TLR5: variants seen among roughly 807,000 people sequenced by gnomAD.
TLR5 encodes the protein toll-like receptor 5.
For missense variants in TLR5, 944 were observed against 999.8 expected, an observed-to-expected ratio of 0.94 and a Z score of 0.75; for synonymous variants, 373 against 384.4, an observed-to-expected ratio of 0.97 and a Z score of 0.35.
At chr1:223,119,670 A>G (rs1656848702) in intron 5 of TLR5, among the ~76,000 whole-genome samples, 1 of 151,966 alleles carries the variant, frequency 6.6e-6, no homozygotes, top group Non-Finnish European at 1.5e-5. Context: ...TAAGATACCA[A>G]CACAACAGGC....
Position 223,131,069 on chromosome 1 carries a change from A to G in TLR5, c.-5+1406T>C, listed in dbSNP as rs942929922. On this transcript the variant is annotated intron_variant, in intron 5 of 5. Coordinates refer to ENST00000642603, the MANE Select transcript of TLR5 (RefSeq NM_003268.6). The surrounding 1 kb of genome is among the most constrained non-coding windows in gnomAD (Gnocchi z 4.2). ...CTCCCCTCTAGATATGGGAGACACC[A>G]CCTTGCTAGTCTCCCATAGTAAGCC... is the stretch of plus-strand genomic sequence containing the variant. 8.5e-5 allele frequency among the ~76,000 whole-genome samples: 13 copies of G among 152,116 alleles called. No individual in the cohort carries two copies. In the East Asian group the frequency reaches 2.5e-3, roughly 29 times the overall value.
intron 5 of TLR5, 45 bp downstream of exon 5, chr1:223,132,430 A>G (rs1191547999): frequency 6.6e-6 from 1 of 152,268 alleles, no homozygotes; most frequent in Non-Finnish European, 1.5e-5. Flanking sequence ...TCATACACAC[A>G]CAGACACAGA....
intron 4 of TLR5, among the ~76,000 whole-genome samples, chr1:223,133,617 C>G (rs918234806): frequency 1.3e-5 from 2 of 152,312 alleles, no homozygotes; most frequent in Middle Eastern, 3.4e-3. Context: ...AGATGCTGCA[C>G]GATTGGTTTT....
rs754624768 is a variant in TLR5 at position 223,110,959 on chromosome 1, G to A, written c.2073C>T (p.Tyr691=). ...DHPQGTEPDM[Y]KYDAYLCFSS... ...TGAAGCACAAATAGGCATCATATTT[G>A]TACATATCAGGTTCTGTGCCCTGGG... Residue 691 remains tyrosine, a synonymous_variant, in exon 6 of 6, where the codon TAC becomes TAT. Transcript: ENST00000642603. 6.2e-6 allele frequency: 10 copies of A among 1,614,128 alleles called. No individual in the cohort carries two copies. The highest frequency in any genetic ancestry group is 7.6e-6 in the Non-Finnish European group (9 of 1,180,058).
At position 223,142,718 on chromosome 1, in the gene TLR5, T is replaced by C. The variant is rs551381621; in HGVS notation, c.-555+478A>G. 1.5e-3 allele frequency among the ~76,000 whole-genome samples: 234 copies of C among 152,282 alleles called. 1 individual carries two copies. Among genetic ancestry groups the C allele is most frequent in the African/African-American group, 5.3e-3 (222 of 41,570 alleles). ...GCTGTGGGGTGGGGTGTTTAGGGCC[T>C]TTTGTTGAGCAGCTCAGTGACTTTC... is the stretch of plus-strand genomic sequence containing the variant. On this transcript the variant is annotated intron_variant, in intron 1 of 5. Coordinates refer to ENST00000642603, the MANE Select transcript of TLR5 (RefSeq NM_003268.6).
intron 5 of TLR5, among the ~76,000 whole-genome samples, chr1:223,117,594 GAAA>G (rs1444648361): frequency 7.2e-6 from 1 of 139,494 alleles, no homozygotes; most frequent in Non-Finnish European, 1.6e-5. Context: ...GAAAAGAAAA[GAAA>G]AAAAGGAAAG....
rs756137200 is a variant in TLR5 at position 223,112,800 on chromosome 1, C to G, written c.232G>C (p.Gly78Arg). 1 of 1,612,366 alleles carries G rather than the reference C, an allele frequency of 6.2e-7. No individual in the cohort carries two copies. The highest frequency in any genetic ancestry group is 8.5e-7 in the Non-Finnish European group (1 of 1,178,972). The change falls in exon 6 of 6, where the codon GGG becomes CGG. Residue 78 changes from glycine to arginine, a missense_variant. Coordinates refer to ENST00000642603, the MANE Select transcript of TLR5 (RefSeq NM_003268.6). ...ATAGTCAAGGGGGTATACTGGCTCC[C>G]GAGCTCCAGCAGCTGCAGCTGTTCC... Reference protein sequence around the residue: ...FLEQLQLLELGSQYTPLTIDK... With the variant: ...FLEQLQLLELRSQYTPLTIDK...
At position 223,111,008 on chromosome 1, in the gene TLR5, T is replaced by C; in HGVS notation, c.2024A>G (p.Gln675Arg). 6.2e-7 allele frequency: 1 copy of C among 1,614,228 alleles called. No individual in the cohort carries two copies. Among genetic ancestry groups the C allele is most frequent in the South Asian group, 1.1e-5 (1 of 91,082 alleles). ...GFCFICYKTAQRLVFKDHPQG... is the reference protein window; with the variant it reads ...GFCFICYKTARRLVFKDHPQG... ...GGGATGGTCCTTGAACACCAGTCTCTGGGCTGTCTTATAACAGATAAAACA... is the reference window on the plus strand; with the variant it reads ...GGGATGGTCCTTGAACACCAGTCTCCGGGCTGTCTTATAACAGATAAAACA... The change falls in exon 6 of 6, where the codon CAG (glutamine) becomes CGG (arginine). Residue 675 changes from glutamine (Q) to arginine (R), a missense_variant. By Grantham distance (43) the Gln-to-Arg change is conservative (BLOSUM62 1). Transcript: ENST00000642603.
intron 5 of TLR5, chr1:223,127,937 A>G (rs72748482): frequency 0.021 from 3,207 of 152,564 alleles, 37 homozygotes; most frequent in Non-Finnish European, 0.03. Flanking sequence ...AGCAATGCAA[A>G]TTACTGGGCC....
At chr1:223,116,528 G>C (rs928548902) in intron 5 of TLR5, among the ~76,000 whole-genome samples, 1 of 152,174 alleles carries the variant, frequency 6.6e-6, no homozygotes, top group African/African-American at 2.4e-5. Context: ...GACCCAAAGA[G>C]CGAGCGGCAG....
intron 2 of TLR5, chr1:223,141,367 A>G (rs1229005706): frequency 6.6e-6 from 1 of 152,124 alleles, no homozygotes; most frequent in Non-Finnish European, 1.5e-5. Flanking sequence ...CTTTGCTCAG[A>G]GCTGTAAATA....
intron 5 of TLR5, among the ~76,000 whole-genome samples, chr1:223,116,058 T>C (rs1293031181): frequency 6.6e-6 from 1 of 152,234 alleles, no homozygotes; most frequent in Non-Finnish European, 1.5e-5. Context: ...GCACACACTA[T>C]TTGAAATAAA....
In TLR5 at chr1:223,111,093, T is replaced by A. The variant is rs369950876; in HGVS notation, c.1939A>T (p.Thr647Ser). The change falls in exon 6 of 6, where the codon ACT becomes TCT. Residue 647 changes from threonine to serine, a missense_variant. Thr to Ser is a moderately conservative substitution (Grantham distance 58). Coordinates refer to ENST00000642603, the MANE Select transcript of TLR5 (RefSeq NM_003268.6). ...SLKFSLFIVC[T>S]VTLTLFLMTI... ...ATGAGGAACAGAGTCAGAGTGACAG[T>A]GCATACAATGAAAAGGGAGAACTTT... 8.1e-6 allele frequency: 13 copies of A among 1,614,184 alleles called. No homozygotes were observed. Among genetic ancestry groups the A allele is most frequent in the African/African-American group, 1.3e-5 (1 of 75,054 alleles).
intron 1 of TLR5, among the ~76,000 whole-genome samples, chr1:223,142,336 G>A (rs2102953731): frequency 6.6e-6 from 1 of 152,292 alleles, no homozygotes; most frequent in African/African-American, 2.4e-5. Flanking sequence ...GTATCTGAAG[G>A]ACACTAGGGT....
chr1:223,119,842 T>G (rs1408934482), intron 5 of TLR5, among the ~76,000 whole-genome samples: 2 of 150,178 alleles, frequency 1.3e-5, no homozygotes, highest in Non-Finnish European at 3.0e-5. Flanking sequence ...CATCTGTACT[T>G]GGGAGGTTGA....
chr1:223,110,624 T>C lies in TLR5; in HGVS notation c.2408A>G (p.His803Arg), dbSNP rs746751735. The part of the protein sequence containing the change: ...GSLSQYQLMK[H>R]QSIRGFVQKQ... The stretch of plus-strand genomic sequence containing the variant: ...CTGTACAAAGCCTCTGATGGATTGA[T>C]GTTTCATCAACTGGTACTGGGACAA... Residue 803 changes from histidine (H) to arginine (R), a missense_variant, in exon 6 of 6, where the codon CAT (histidine) becomes CGT (arginine). Coordinates refer to ENST00000642603, the MANE Select transcript of TLR5 (RefSeq NM_003268.6). 1 of 1,614,240 alleles carries C rather than the reference T, an allele frequency of 6.2e-7. No individual in the cohort carries two copies. Among genetic ancestry groups the C allele is most frequent in the East Asian group, 2.2e-5 (1 of 44,888 alleles).
intron 5 of TLR5, among the ~76,000 whole-genome samples, chr1:223,119,978 TAAATAAAATAAAATAAAATA>T (rs1553268250): frequency 2.4e-5 from 1 of 41,644 alleles, no homozygotes; most frequent in Non-Finnish European, 4.1e-5. Context: ...TAAAATAAAA[TAAATAAAATAAAATAAAATA>T]AAATAAAATA....
At chr1:223,127,427 G>A (rs1185615441) in intron 5 of TLR5, 1 of 152,202 alleles carries the variant, frequency 6.6e-6, no homozygotes, top group Non-Finnish European at 1.5e-5. Flanking sequence ...CAGCATGTGG[G>A]TTTAGCCTTG....
At chr1:223,141,445 A>C (rs1420000491) in intron 2 of TLR5, 1 of 152,120 alleles carries the variant, frequency 6.6e-6, no homozygotes, top group Non-Finnish European at 1.5e-5. Context: ...TTAGGGTCAT[A>C]CGCACAGGCA....
Sources: gnomAD v4.1 joint callset for allele counts (sites outside exome capture counted in the v4.1 genomes callset) on GRCh38, gnomAD v4.1.1 for gene constraint, Gnocchi (gnomAD v3.1) non-coding constraint, MANE v1.5 for transcripts, NCBI Gene and HGNC (gene_info 2026-07-23, HGNC 2026-07-21) for gene names.